ZNF8: variants seen among roughly 807,000 people sequenced by gnomAD.
The protein encoded by ZNF8 is zinc finger protein 8.
ZNF8 carries 9 observed loss-of-function variants against 12.2 expected under a neutral mutation model. The ratio of observed to expected loss-of-function variants is 0.73; its 90% CI spans 0.44 to 1.28. The LOEUF is 1.28. Among genes scored for constraint, ZNF8 ranks in the 50% most tolerant of loss-of-function variants. ZNF8 has a pLI of 0.00. For synonymous variants in ZNF8, 274 were observed against 282.3 expected (o/e 0.97, Z 0.30); for missense variants, 664 against 729.1 (o/e 0.91, Z 1.03).
chr19:58,279,685 C>A, intron 1 of ZNF8: 1 of 1,531,400 alleles, frequency 6.5e-7, no homozygotes, highest in Non-Finnish European at 8.7e-7. Flanking sequence ...ATGAGAGTGA[C>A]CACCAGGGTC....
chr19:58,294,995 C>T lies in ZNF8; in HGVS notation c.1187C>T (p.Pro396Leu). The T allele has an allele frequency of 6.2e-7, 1 of 1,614,042 alleles. No individual in the cohort carries two copies. The highest frequency in any genetic ancestry group is 8.5e-7 in the Non-Finnish European group (1 of 1,179,952). Residue 396 changes from proline to leucine, a missense_variant, in exon 4 of 4, where the codon CCC becomes CTC. Physicochemically the swap from Pro to Leu is moderately conservative, Grantham distance 98 (BLOSUM62 -3). Coordinates refer to ENST00000621650, the MANE Select transcript of ZNF8 (RefSeq NM_021089.3). The surrounding 1 kb of genome is among the most constrained non-coding windows in gnomAD (Gnocchi z 5.5). The stretch of plus-strand genomic sequence containing the variant: ...CTGAGAACTCACACCGAGGAGAGGC[C>T]CTACGAGTGTAACCACTGCGGGAAG... ...LHLRTHTEER[P>L]YECNHCGKGF...
chr19:58,286,045 G>A, intron 2 of ZNF8, 65 bp from the exon 3 acceptor site: 2 of 1,545,230 alleles, frequency 1.3e-6, no homozygotes, highest in Non-Finnish European at 1.8e-6. Context: ...GTCTGGTCTG[G>A]AGCCTGGGCT....
rs1201157796 is a variant in ZNF8 at position 58,302,038 on chromosome 19, T to C, written c.*6502T>C. The C allele has an allele frequency of 6.6e-6, 1 of 152,196 alleles. No homozygotes were observed. Among genetic ancestry groups the C allele is most frequent in the African/African-American group, 2.4e-5 (1 of 41,452 alleles). 9.4% of individuals were successfully genotyped at this position (152,196 alleles called of 1,614,324 possible). ...AAAAATTCATTAAAAATGAAGACTC[T>C]ATATACAGCTTGAATATTCCTTATC... is the stretch of plus-strand genomic sequence containing the variant. On this transcript the variant is annotated 3_prime_UTR_variant, in exon 4 of 4. Transcript: ENST00000621650.
intron 3 of ZNF8, among the ~76,000 whole-genome samples, chr19:58,291,939 C>T (rs1201235033): frequency 1.3e-5 from 2 of 151,740 alleles, no homozygotes; most frequent in African/African-American, 4.8e-5. Flanking sequence ...GGGCGTGGGG[C>T]AAGAGTCAGG....
chr19:58,299,305 G>A lies in ZNF8; in HGVS notation c.*3769G>A, dbSNP rs1013481368. ...TTTTTTGCGTTTTTAGTAGAGACGGGGTTTCACCCTGTTAGCCAGGATGGT... is the reference window on the plus strand; with the variant it reads ...TTTTTTGCGTTTTTAGTAGAGACGGAGTTTCACCCTGTTAGCCAGGATGGT... On this transcript the variant is annotated 3_prime_UTR_variant, in exon 4 of 4. Coordinates refer to ENST00000621650, the MANE Select transcript of ZNF8 (RefSeq NM_021089.3). The A allele has an allele frequency of 6.6e-5, 10 of 151,168 alleles. No homozygotes were observed. The highest frequency in any genetic ancestry group is 2.2e-4 in the African/African-American group (9 of 41,170). 9.4% of individuals were successfully genotyped at this position (151,168 alleles called of 1,614,324 possible).
chr19:58,293,411 AG>A (rs1250841038), intron 3 of ZNF8, among the ~76,000 whole-genome samples: 7 of 152,204 alleles, frequency 4.6e-5, no homozygotes, highest in Non-Finnish European at 8.8e-5. Context: ...TGTCATTTCT[AG>A]GCACTGGCTG....
chr19:58,292,789 T>C (rs1353660305), intron 3 of ZNF8, among the ~76,000 whole-genome samples: 1 of 152,254 alleles, frequency 6.6e-6, no homozygotes, highest in African/African-American at 2.4e-5. Context: ...TCCCGTCGTA[T>C]GGATAGACCA....
Position 58,294,844 on chromosome 19 carries a change from T to G in ZNF8, c.1036T>G (p.Cys346Gly). The G allele has an allele frequency of 6.2e-7, 1 of 1,614,112 alleles. No homozygotes were observed. Among genetic ancestry groups the G allele is most frequent in the East Asian group, 2.2e-5 (1 of 44,872 alleles). The change falls in exon 4 of 4, where the codon TGT becomes GGT. Residue 346 changes from cysteine (C) to glycine (G), a missense_variant. Transcript: ENST00000621650. The surrounding 1 kb of genome is among the most constrained non-coding windows in gnomAD (Gnocchi z 5.5). ...GGAGAAGCCCTATGAGTGTCAGGAC[T>G]GTGGGAGGGCCTTCAACCAGAACTC... Reference protein sequence around the residue: ...TGEKPYECQDCGRAFNQNSSL... With the variant: ...TGEKPYECQDGGRAFNQNSSL...
At chr19:58,288,039 T>A (rs1312185224) in intron 3 of ZNF8, among the ~76,000 whole-genome samples, 2 of 109,278 alleles carry the variant, frequency 1.8e-5, no homozygotes, top group African/African-American at 3.5e-5. Context: ...TTTTTTTTTT[T>A]AATAGAGATG....
chr19:58,285,617 G>A (rs537765974), intron 1 of ZNF8, 100 bp from the exon 2 acceptor site: 36 of 1,566,132 alleles, frequency 2.3e-5, no homozygotes, highest in East Asian at 1.6e-4. Flanking sequence ...GCAGTCTCTC[G>A]TGACACAGGC....
chr19:58,280,642 T>C (rs927894408), intron 1 of ZNF8: 1 of 152,264 alleles, frequency 6.6e-6, no homozygotes, highest in African/African-American at 2.4e-5. Flanking sequence ...CTGTGTCTGC[T>C]GTAACAATTC....
At chr19:58,287,843 C>CT (rs1028520416) in intron 3 of ZNF8, among the ~76,000 whole-genome samples, 4 of 131,290 alleles carry the variant, frequency 3.0e-5, no homozygotes, top group South Asian at 2.4e-4. Context: ...TACTTTTTTT[C>CT]TTTTTTTTTC....
intron 3 of ZNF8, among the ~76,000 whole-genome samples, chr19:58,292,682 C>T (rs1462867154): frequency 2.0e-5 from 3 of 152,090 alleles, no homozygotes; most frequent in Admixed American, 1.3e-4. Context: ...AATTTGTGAC[C>T]TTTGTATCTG....
rs1018831120 is a variant in ZNF8, at chr19:58,278,997, C to G, written c.-85C>G. On this transcript the variant is annotated 5_prime_UTR_variant, in exon 1 of 4. Coordinates refer to ENST00000621650, the MANE Select transcript of ZNF8 (RefSeq NM_021089.3). ...GGTGCGGCCGCCATTGTCCGGCGTTCGGCGAGTCGGGTGGTCCCTTTGGCT... is the reference window on the plus strand; with the variant it reads ...GGTGCGGCCGCCATTGTCCGGCGTTGGGCGAGTCGGGTGGTCCCTTTGGCT... The G allele has an allele frequency of 1.5e-4, 199 of 1,342,458 alleles. 1 individual carries two copies. Among genetic ancestry groups the G allele is most frequent in the Non-Finnish European group, 8.9e-5 (92 of 1,037,600 alleles). 83.2% of individuals were successfully genotyped at this position (1,342,458 alleles called of 1,614,324 possible). A position where few individuals can be genotyped will look rare whatever the true frequency, so the allele number is the denominator to read the frequency against.
intron 1 of ZNF8, chr19:58,280,107 T>A: frequency 3.1e-6 from 1 of 324,224 alleles, no homozygotes; most frequent in South Asian, 2.4e-5. Context: ...TGTTGCTGTG[T>A]AACTCAAAAC....
At chr19:58,279,273 C>G (rs2051325611) in intron 1 of ZNF8, 126 bp downstream of exon 1, 1 of 1,522,454 alleles carries the variant, frequency 6.6e-7, no homozygotes, top group African/African-American at 1.4e-5. Context: ...CGTGGGGAAA[C>G]TCAGACGCGG....
At chr19:58,289,188 T>C (rs2051402306) in intron 3 of ZNF8, among the ~76,000 whole-genome samples, 1 of 152,158 alleles carries the variant, frequency 6.6e-6, no homozygotes, top group African/African-American at 2.4e-5. Context: ...TACCACAATC[T>C]AGGTGGCTTG....
rs778473055 is a variant in ZNF8 at position 58,278,977 on chromosome 19, G to A, written c.-105G>A. On this transcript the variant is annotated 5_prime_UTR_variant, in exon 1 of 4. Transcript: ENST00000621650. ...GTTGTAGTCGCCGCGTCGCCGGTGCGGCCGCCATTGTCCGGCGTTCGGCGA... is the reference window on the plus strand; with the variant it reads ...GTTGTAGTCGCCGCGTCGCCGGTGCAGCCGCCATTGTCCGGCGTTCGGCGA... 29 of 1,299,606 alleles carry A rather than the reference G, an allele frequency of 2.2e-5. No individual in the cohort carries two copies. Among genetic ancestry groups the A allele is most frequent in the Non-Finnish European group, 2.8e-5 (28 of 1,003,480 alleles). The allele number at this position is 1,299,606 out of a possible 1,614,324, so 80.5% of individuals were successfully genotyped here.
chr19:58,292,348 G>C (rs1470670291), intron 3 of ZNF8, among the ~76,000 whole-genome samples: 1 of 152,098 alleles, frequency 6.6e-6, no homozygotes, highest in African/African-American at 2.4e-5. Flanking sequence ...CCCTGGTAAG[G>C]GCCCCTTCCT....
Sources: gnomAD v4.1 joint callset for allele counts (sites outside exome capture counted in the v4.1 genomes callset) on GRCh38, gnomAD v4.1.1 for gene constraint, Gnocchi (gnomAD v3.1) non-coding constraint, MANE v1.5 for transcripts, NCBI Gene and HGNC (gene_info 2026-07-23, HGNC 2026-07-21) for gene names.